Variants in IL12RB2 observed in about 807,000 individuals in gnomAD.
IL12RB2 encodes the protein interleukin 12 receptor subunit beta 2, also known as interleukin-12 receptor subunit beta-2.
IL12RB2 carries 82 observed loss-of-function variants against 89.4 expected under a neutral mutation model. The ratio of observed to expected loss-of-function variants is 0.92; its 90% confidence interval spans 0.77 to 1.10. The LOEUF is 1.10. IL12RB2 is among the 50% of genes least tolerant of loss of function. IL12RB2 has a pLI of 0.00. For synonymous variants in IL12RB2, 368 were observed against 370.1 expected, an observed-to-expected ratio of 0.99 and a Z score of 0.07; for missense variants, 963 against 1,031.9, an observed-to-expected ratio of 0.93 and a Z score of 0.92.
intron 9 of IL12RB2, among the ~76,000 whole-genome samples, chr1:67,344,589 G>A (rs951233324): frequency 3.3e-5 from 5 of 152,126 alleles, no homozygotes; most frequent in East Asian, 1.9e-4. Context: ...AACGGCTCTC[G>A]GCCTAATAAT....
At position 67,326,795 on chromosome 1, in the gene IL12RB2, C is replaced by A. The variant is rs761704975; in HGVS notation, c.425C>A (p.Ala142Asp). 5.6e-6 allele frequency: 9 copies of A among 1,613,812 alleles called. No homozygotes were observed. The South Asian group carries it at 9.9e-5, about 18-fold the overall frequency. The change falls in exon 5 of 17, where the codon GCC (alanine) becomes GAC (aspartate). Residue 142 changes from alanine (A) to aspartate (D), a missense_variant. Physicochemically the swap from Ala to Asp is moderately radical, Grantham distance 126. Coordinates refer to ENST00000674203, the MANE Select transcript of IL12RB2 (RefSeq NM_001374259.2). ...CIQKGEQGTV[A>D]CTWERGRDTH... ...CAGAAGGGAGAACAGGGGACTGTGG[C>A]CTGCACCTGGGAAAGAGGACGAGAC... is the stretch of plus-strand genomic sequence containing the variant.
intron 14 of IL12RB2, among the ~76,000 whole-genome samples, chr1:67,382,837 T>C (rs934610503): frequency 6.6e-6 from 1 of 151,986 alleles, no homozygotes; most frequent in Non-Finnish European, 1.5e-5. Context: ...TCACAAGTAG[T>C]TGAGACTATA....
intron 9 of IL12RB2, among the ~76,000 whole-genome samples, chr1:67,341,563 GAA>G (rs1413407360): frequency 3.8e-3 from 212 of 55,606 alleles, no homozygotes; most frequent in Non-Finnish European, 7.9e-3. Flanking sequence ...AAGAAAGAAA[GAA>G]AGAAAGAAAG....
intron 4 of IL12RB2, 33 bp downstream of exon 4, chr1:67,321,922 GTGATCTTTTGGTATTTT>G: frequency 6.3e-7 from 1 of 1,577,804 alleles, no homozygotes; most frequent in Non-Finnish European, 8.7e-7. Context: ...TTAAAACTTG[GTGATCTTTTGGTATTTT>G]TGATCTTTTG....
chr1:67,391,752 T>C (rs1291223375), intron 16 of IL12RB2, among the ~76,000 whole-genome samples: 3 of 151,926 alleles, frequency 2.0e-5, no homozygotes, highest in Non-Finnish European at 4.4e-5. Flanking sequence ...TTCTCCTGCC[T>C]CAGCCTCCCT....
In IL12RB2 at chr1:67,397,862, C is replaced by T. The variant is rs986898825; in HGVS notation, c.*1773C>T. 2.0e-5 allele frequency among the ~76,000 whole-genome samples: 3 copies of T among 152,208 alleles called. No homozygotes were observed. Among genetic ancestry groups the T allele is most frequent in the Non-Finnish European group, 4.4e-5 (3 of 68,038 alleles). On this transcript the variant is annotated 3_prime_UTR_variant, in exon 17 of 17. Transcript: ENST00000674203. ...ACAAAGTACTTGTTGTAAATGTGTA[C>T]TTCTTGCCTAACGTGAGGAACTAAA...
intron 1 of IL12RB2, among the ~76,000 whole-genome samples, chr1:67,312,682 A>C (rs1569676276): frequency 6.6e-6 from 1 of 151,920 alleles, no homozygotes; most frequent in East Asian, 1.9e-4. Context: ...GAAAAAAAAA[A>C]AGCCATAAAG....
chr1:67,391,356 AGTGT>A (rs148773328), intron 16 of IL12RB2, among the ~76,000 whole-genome samples: 1,521 of 140,512 alleles, frequency 0.011, 29 homozygotes, highest in African/African-American at 0.033. Context: ...TAATAACAGC[AGTGT>A]GTGTGTGTGT....
chr1:67,386,872 TTATA>T (rs1179774666), intron 15 of IL12RB2, among the ~76,000 whole-genome samples: 1,312 of 47,978 alleles, frequency 0.027, 13 homozygotes, highest in African/African-American at 0.04. Flanking sequence ...GAAATGTATT[TTATA>T]TATATATATA....
intron 10 of IL12RB2, among the ~76,000 whole-genome samples, chr1:67,353,209 T>C (rs1661034922): frequency 2.6e-5 from 4 of 152,190 alleles, no homozygotes; most frequent in Admixed American, 2.6e-4. Context: ...TTCATTGACA[T>C]GGACAGATAC....
At chr1:67,394,056 G>A (rs1201031655) in intron 16 of IL12RB2, among the ~76,000 whole-genome samples, 3 of 152,166 alleles carry the variant, frequency 2.0e-5, no homozygotes, top group African/African-American at 7.2e-5. Flanking sequence ...CACGAAGCAG[G>A]GGACAGTGGG....
chr1:67,387,771 C>A (rs951707481), intron 15 of IL12RB2, among the ~76,000 whole-genome samples: 1 of 151,684 alleles, frequency 6.6e-6, no homozygotes, highest in African/African-American at 2.4e-5. Context: ...TAAAAGGCAG[C>A]CTGCCAAACA....
chr1:67,316,897 T>C (rs1558294213), intron 2 of IL12RB2, among the ~76,000 whole-genome samples: 1 of 152,194 alleles, frequency 6.6e-6, no homozygotes, highest in Non-Finnish European at 1.5e-5. Flanking sequence ...GTTTGTTGCT[T>C]ATATTTTTGT....
At chr1:67,344,887 G>C (rs776693352) in intron 9 of IL12RB2, among the ~76,000 whole-genome samples, 8 of 151,954 alleles carry the variant, frequency 5.3e-5, no homozygotes, top group Non-Finnish European at 1.2e-4. Flanking sequence ...TACAGAGAGA[G>C]TTAAGAAAAT....
At chr1:67,341,579 G>GAAAGA (rs1558318411) in intron 9 of IL12RB2, among the ~76,000 whole-genome samples, 1 of 144,068 alleles carries the variant, frequency 6.9e-6, no homozygotes, top group Non-Finnish European at 1.5e-5. Context: ...AAGAAAGAAA[G>GAAAGA]AAAGAAAAGA....
intron 1 of IL12RB2, among the ~76,000 whole-genome samples, chr1:67,308,442 G>A (rs781570268): frequency 1.6e-4 from 25 of 152,134 alleles, no homozygotes; most frequent in South Asian, 6.2e-4. Flanking sequence ...CCGTAGTCCC[G>A]GATGAGGGTG....
In IL12RB2 at chr1:67,394,624, CT is replaced by C. The variant is rs1468647214; in HGVS notation, c.2047-921del. 2.0e-5 allele frequency among the ~76,000 whole-genome samples: 3 copies of C among 152,140 alleles called. No homozygotes were observed. The East Asian group carries it at 5.8e-4, about 29-fold the overall frequency. On this transcript the variant is annotated intron_variant, in intron 16 of 16. Transcript: ENST00000674203. ...AAGCAGATCTGACAAGGAATATTAC[CT>C]TGCCTGAAACCTTTCGGTAGTTCTC... is the stretch of plus-strand genomic sequence containing the variant.
At chr1:67,377,142 A>G (rs1260522091) in intron 13 of IL12RB2, among the ~76,000 whole-genome samples, 1 of 152,206 alleles carries the variant, frequency 6.6e-6, no homozygotes, top group Non-Finnish European at 1.5e-5. Flanking sequence ...CTGATTACCC[A>G]TAGTAAGCAG....
intron 4 of IL12RB2, among the ~76,000 whole-genome samples, chr1:67,324,720 G>C (rs944571149): frequency 2.6e-5 from 4 of 152,202 alleles, no homozygotes; most frequent in African/African-American, 7.2e-5. Flanking sequence ...TGGAGTCTCT[G>C]AGAAAAGAGT....
Sources: allele counts gnomAD v4.1 joint callset (sites outside exome capture counted in the v4.1 genomes callset), GRCh38; gene constraint gnomAD v4.1.1; transcripts MANE v1.5; gene names NCBI Gene and HGNC (gene_info 2026-07-23, HGNC 2026-07-21).